SIPA1L3: variants seen among roughly 807,000 people sequenced by gnomAD.
SIPA1L3 encodes signal-induced proliferation-associated 1-like protein 3.
Under a neutral mutation model 150.1 loss-of-function variants are expected in SIPA1L3, and 59 were observed. The observed-to-expected ratio is 0.39, with a 90% CI of 0.32 to 0.49. SIPA1L3 has a LOEUF of 0.49. Among genes scored for constraint, SIPA1L3 ranks in the 20% least tolerant of loss-of-function variants. The pLI is 0.86. For synonymous variants in SIPA1L3, 1,070 were observed against 1,077.6 expected (o/e 0.99, Z 0.14); for missense variants, 2,211 against 2,489.5 (o/e 0.89, Z 2.38).
intron 2 of SIPA1L3, among the ~76,000 whole-genome samples, chr19:38,065,086 A>C (rs1298097337): frequency 6.6e-6 from 1 of 152,260 alleles, no homozygotes; most frequent in East Asian, 1.9e-4. Context: ...CTATAAATAA[A>C]GTTCAGTTAT....
In SIPA1L3 at chr19:38,047,780, G is replaced by A. The variant is rs540975039; in HGVS notation, c.-311+18624G>A. Among the ~76,000 whole-genome samples the A allele has an allele frequency of 3.3e-5, 5 of 152,254 alleles. No homozygotes were observed. The highest frequency in any genetic ancestry group is 2.1e-4 in the South Asian group (1 of 4,828). On this transcript the variant is annotated intron_variant, in intron 2 of 21. Coordinates refer to ENST00000222345, the MANE Select transcript of SIPA1L3 (RefSeq NM_015073.3). This position sits in a 1 kb window ranked among gnomAD's most constrained non-coding sequence, Gnocchi z 4.7. ...CACGTGTCATTTTAGAGACCCCAGC[G>A]GCAGTCCAGATCCTGAAGTCCGACC...
At chr19:38,068,321 G>A (rs1599996016) in intron 2 of SIPA1L3, among the ~76,000 whole-genome samples, 1 of 152,250 alleles carries the variant, frequency 6.6e-6, no homozygotes, top group East Asian at 1.9e-4. Context: ...GAGCCACCAC[G>A]CCCGGCCGAA....
chr19:38,182,500 T>C lies in SIPA1L3; in HGVS notation c.4209-19T>C, dbSNP rs745429968. ...GAATGGATTTGGTTTTTTTTATCTCTTTCATTTTTGCTTTGCAGTGACATG... is the reference window on the plus strand; with the variant it reads ...GAATGGATTTGGTTTTTTTTATCTCCTTCATTTTTGCTTTGCAGTGACATG... On this transcript the variant is annotated intron_variant, in intron 15 of 21. Coordinates refer to ENST00000222345, the MANE Select transcript of SIPA1L3 (RefSeq NM_015073.3). 1 of 1,570,574 alleles carries C rather than the reference T, an allele frequency of 6.4e-7. No individual in the cohort carries two copies. The highest frequency in any genetic ancestry group is 8.7e-7 in the Non-Finnish European group (1 of 1,153,062).
intron 8 of SIPA1L3, among the ~76,000 whole-genome samples, chr19:38,116,576 G>A (rs1183346141): frequency 1.3e-5 from 2 of 150,088 alleles, no homozygotes; most frequent in African/African-American, 4.9e-5. Flanking sequence ...GGCTGGGTGC[G>A]GTGGCTCACA....
intron 1 of SIPA1L3, among the ~76,000 whole-genome samples, chr19:38,005,090 C>T (rs1967908264): frequency 6.6e-6 from 1 of 152,020 alleles, no homozygotes; most frequent in Non-Finnish European, 1.5e-5. Context: ...GTCAGATGTC[C>T]CCCACCCACC....
rs759244647 is a variant in SIPA1L3 at position 38,164,555 on chromosome 19, G to A, written c.3857G>A (p.Arg1286His). ...SNASSSHSDDRWFDPLDPLEP... is the reference protein window; with the variant it reads ...SNASSSHSDDHWFDPLDPLEP... ...GCATCCAGCAGCCACAGCGACGACC[G>A]CTGGTTCGACCCCCTGGACCCCCTG... Residue 1286 changes from arginine (R) to histidine (H), a missense_variant, in exon 15 of 22, where the codon CGC (arginine) becomes CAC (histidine). By Grantham distance (29) the Arg-to-His change is conservative. Around this residue, in one of 5 missense-constraint regions of SIPA1L3, gnomAD observed 806 missense variants for 870.1 expected, o/e 0.93. Coordinates refer to ENST00000222345, the MANE Select transcript of SIPA1L3 (RefSeq NM_015073.3). The surrounding 1 kb of genome is among the most constrained non-coding windows in gnomAD (Gnocchi z 4.1). 3.3e-5 allele frequency: 53 copies of A among 1,613,928 alleles called. No individual in the cohort carries two copies. The highest frequency in any genetic ancestry group is 4.2e-5 in the Non-Finnish European group (49 of 1,179,968).
chr19:37,964,985 C>T (rs2046890473), intron 1 of SIPA1L3, among the ~76,000 whole-genome samples: 1 of 152,112 alleles, frequency 6.6e-6, no homozygotes, highest in Non-Finnish European at 1.5e-5. Flanking sequence ...ATTCTCTATA[C>T]CCTTTTCCAG....
intron 12 of SIPA1L3, 81 bp downstream of exon 12, chr19:38,142,791 C>T: frequency 6.7e-7 from 1 of 1,492,470 alleles, no homozygotes; most frequent in East Asian, 2.3e-5. Context: ...TGCACACCCC[C>T]ACAATTCTAG....
At chr19:37,907,781 T>C (rs1213146400) in intron 1 of SIPA1L3, 4 of 152,152 alleles carry the variant, frequency 2.6e-5, no homozygotes, top group African/African-American at 9.7e-5. Flanking sequence ...CTCCGAAAAA[T>C]GAGGTGAAGA....
chr19:37,986,997 G>A (rs976939109), intron 1 of SIPA1L3, among the ~76,000 whole-genome samples: 4 of 151,956 alleles, frequency 2.6e-5, no homozygotes, highest in African/African-American at 7.3e-5. Context: ...GTGCGATCTC[G>A]GCTCACTGCA....
intron 9 of SIPA1L3, among the ~76,000 whole-genome samples, chr19:38,128,133 C>A (rs1730751884): frequency 1.4e-5 from 2 of 142,708 alleles, no homozygotes; most frequent in African/African-American, 5.2e-5. Context: ...CGGCTCACTG[C>A]AACCTCTGCC....
chr19:37,957,898 G>A (rs541985570), intron 1 of SIPA1L3, among the ~76,000 whole-genome samples: 88 of 151,510 alleles, frequency 5.8e-4, no homozygotes, highest in African/African-American at 2.0e-3. Flanking sequence ...TATTTTTGTG[G>A]AGGCAGGGTT....
At position 38,119,888 on chromosome 19, in the gene SIPA1L3, G is replaced by T; in HGVS notation, c.2868+6G>T. On this transcript the variant is annotated splice_donor_region_variant and intron_variant, in intron 9 of 21. Coordinates refer to ENST00000222345, the MANE Select transcript of SIPA1L3 (RefSeq NM_015073.3). ...AGATAGTGCAGAGACTGAAGGTAAG[G>T]GAGAGAGCCCGGCGATAGGGCGGCG... 1 of 1,590,880 alleles carries T rather than the reference G, an allele frequency of 6.3e-7. No individual in the cohort carries two copies. Among genetic ancestry groups the T allele is most frequent in the Non-Finnish European group, 8.6e-7 (1 of 1,168,914 alleles).
At position 38,088,841 on chromosome 19, in the gene SIPA1L3, G is replaced by A; in HGVS notation, c.1655G>A (p.Arg552Gln). The change falls in exon 4 of 22, where the codon CGG becomes CAG. Residue 552 changes from arginine (R) to glutamine (Q), a missense_variant. Physicochemically the swap from Arg to Gln is conservative, Grantham distance 43 (BLOSUM62 1). Transcript: ENST00000222345. The stretch of plus-strand genomic sequence containing the variant: ...CAGTACCAGTACAGGATCATCTTCC[G>A]GACCCGCGAGGTAGGTCCCATCACT... ...GPQYQYRIIF[R>Q]TRELITLRGS... 1.9e-6 allele frequency: 3 copies of A among 1,613,850 alleles called. No homozygotes were observed. Among genetic ancestry groups the A allele is most frequent in the Non-Finnish European group, 2.5e-6 (3 of 1,179,806 alleles).
At chr19:37,957,677 C>G (rs750443331) in intron 1 of SIPA1L3, among the ~76,000 whole-genome samples, 2 of 151,854 alleles carry the variant, frequency 1.3e-5, no homozygotes, top group Admixed American at 1.3e-4. Flanking sequence ...ATAGCTAGGA[C>G]TATAGGCACA....
Position 38,082,383 on chromosome 19 carries a change from C to A in SIPA1L3, c.818C>A (p.Pro273Gln), listed in dbSNP as rs1163141522. 6.3e-7 allele frequency: 1 copy of A among 1,598,670 alleles called. No individual in the cohort carries two copies. The change falls in exon 3 of 22, where the codon CCA (proline) becomes CAA (glutamine). Residue 273 changes from proline to glutamine, a missense_variant. By Grantham distance (76) the Pro-to-Gln change is moderately conservative. This residue lies in a region of SIPA1L3 where 587 missense variants were observed against 534.5 expected (regional missense o/e 1.10). Transcript: ENST00000222345. ...CAGCCCGCCAAGGACAGCCTCCTGCCACTGCAGCCCACGAAGGAGAAGGAG... is the reference window on the plus strand; with the variant it reads ...CAGCCCGCCAAGGACAGCCTCCTGCAACTGCAGCCCACGAAGGAGAAGGAG... ...NGQPAKDSLL[P>Q]LQPTKEKEKA...
chr19:38,129,847 A>T (rs948020780), intron 9 of SIPA1L3, among the ~76,000 whole-genome samples: 3 of 152,022 alleles, frequency 2.0e-5, no homozygotes, highest in African/African-American at 7.2e-5. Context: ...CAGGTGGATC[A>T]TCTGAGGTCA....
intron 1 of SIPA1L3, among the ~76,000 whole-genome samples, chr19:37,921,483 G>A (rs965666591): frequency 5.3e-5 from 8 of 152,210 alleles, no homozygotes; most frequent in African/African-American, 1.7e-4. Context: ...CTGGTGCCCC[G>A]TTTTTCTATG....
intron 1 of SIPA1L3, among the ~76,000 whole-genome samples, chr19:37,919,007 G>A (rs1409175314): frequency 2.0e-5 from 3 of 152,178 alleles, no homozygotes; most frequent in Non-Finnish European, 4.4e-5. Context: ...GGGCTCTGGT[G>A]GAAGCAACAG....
Sources: allele counts gnomAD v4.1 joint callset (sites outside exome capture counted in the v4.1 genomes callset), GRCh38; gene constraint gnomAD v4.1.1; regional missense constraint gnomAD v4.1.1; non-coding constraint Gnocchi (gnomAD v3.1); transcripts MANE v1.5; gene names NCBI Gene and HGNC (gene_info 2026-07-23, HGNC 2026-07-21).